The following INPP5F variants were observed in gnomAD, a reference collection of about 807,000 sequenced individuals.
INPP5F encodes the protein inositol polyphosphate-5-phosphatase F, also known as phosphatidylinositide 4-phosphatase SAC2.
In INPP5F, 97 loss-of-function variants were observed where a neutral mutation model predicts 137.2. The observed-to-expected ratio is 0.71, with a 90% CI of 0.60 to 0.84. The LOEUF (loss-of-function observed/expected upper bound fraction) is 0.84, where lower values mean the gene tolerates loss of function less well. Ranked by LOEUF, INPP5F falls within the 40% of genes least tolerant of loss-of-function variation. The probability of loss-of-function intolerance (pLI) is 0.00; values close to 1 mark genes in which losing one functional copy is unlikely to be tolerated. For synonymous variants in INPP5F, 504 were observed against 476.9 expected (o/e 1.06, Z -0.74); for missense variants, 1,271 against 1,371.9 (o/e 0.93, Z 1.16).
In INPP5F at chr10:119,797,658, T is replaced by C; in HGVS notation, c.1048+18T>C. ...GGACAGAAGTAAGCAGGTCAATTAT[T>C]GGGTTTGCAAATGATGATTTCAGAG... On this transcript the variant is annotated intron_variant, in intron 8 of 19. Coordinates refer to ENST00000650623, the MANE Select transcript of INPP5F (RefSeq NM_014937.4). The C allele has an allele frequency of 3.2e-6, 5 of 1,570,842 alleles. No homozygotes were observed. Among genetic ancestry groups the C allele is most frequent in the Non-Finnish European group, 4.3e-6 (5 of 1,157,108 alleles).
intron 1 of INPP5F, among the ~76,000 whole-genome samples, chr10:119,729,788 T>C (rs1171062800): frequency 6.7e-6 from 1 of 150,362 alleles, no homozygotes; most frequent in African/African-American, 2.5e-5. Context: ...TCTCACTATA[T>C]GGCTCAGGCT....
chr10:119,811,048 C>T (rs547200988), intron 14 of INPP5F, among the ~76,000 whole-genome samples: 2 of 152,186 alleles, frequency 1.3e-5, no homozygotes, highest in Admixed American at 6.5e-5. Context: ...AGTTGATATT[C>T]AAGGAAAAAA....
At chr10:119,758,761 A>G (rs1052384037) in intron 2 of INPP5F, among the ~76,000 whole-genome samples, 6 of 152,244 alleles carry the variant, frequency 3.9e-5, no homozygotes, top group Non-Finnish European at 8.8e-5. Context: ...AATCCTAGAC[A>G]AAAATTCACT....
chr10:119,741,269 A>G (rs1848367583), intron 1 of INPP5F, among the ~76,000 whole-genome samples: 1 of 152,078 alleles, frequency 6.6e-6, no homozygotes. Flanking sequence ...TTCATCCTCT[A>G]CAGATTTGTC....
At position 119,781,718 on chromosome 10, in the gene INPP5F, A is replaced by G. The variant is rs1849714955; in HGVS notation, c.262A>G (p.Lys88Glu). The change falls in exon 3 of 20, where the codon AAA (lysine) becomes GAA (glutamate). Residue 88 changes from lysine (K) to glutamate (E), a missense_variant. Coordinates refer to ENST00000650623, the MANE Select transcript of INPP5F (RefSeq NM_014937.4). The stretch of plus-strand genomic sequence containing the variant: ...AGACCATGAGGTCTGTAAAGTTACC[A>G]AAATTGCTGTGCTCTCACTTTCTGA... ...PGDHEVCKVT[K>E]IAVLSLSEME... is the part of the protein sequence containing the mutation. The G allele has an allele frequency of 6.2e-7, 1 of 1,612,392 alleles. No homozygotes were observed. Among genetic ancestry groups the G allele is most frequent in the Non-Finnish European group, 8.5e-7 (1 of 1,178,858 alleles).
intron 15 of INPP5F, chr10:119,819,461 A>G (rs1851458572): frequency 6.3e-7 from 1 of 1,584,234 alleles, no homozygotes; most frequent in East Asian, 2.3e-5. Context: ...TGTAATTAGT[A>G]GTAGAATTTA....
chr10:119,749,310 C>T (rs1848627172), intron 1 of INPP5F, among the ~76,000 whole-genome samples: 1 of 152,248 alleles, frequency 6.6e-6, no homozygotes, highest in African/African-American at 2.4e-5. Flanking sequence ...GCCCTGCTGG[C>T]TCCATGGAGG....
At chr10:119,803,882 G>C (rs965311381) in intron 9 of INPP5F, among the ~76,000 whole-genome samples, 5 of 151,972 alleles carry the variant, frequency 3.3e-5, no homozygotes, top group Non-Finnish European at 7.4e-5. Flanking sequence ...TGTTACAAAG[G>C]ACCTTGTTTT....
intron 1 of INPP5F, among the ~76,000 whole-genome samples, chr10:119,733,633 C>T (rs1486091455): frequency 6.6e-6 from 1 of 152,006 alleles, no homozygotes; most frequent in Non-Finnish European, 1.5e-5. Context: ...TTTGTAGAAT[C>T]ACTGGTTCCT....
intron 15 of INPP5F, chr10:119,815,366 C>G (rs1350305240): frequency 6.8e-6 from 1 of 146,012 alleles, no homozygotes; most frequent in South Asian, 2.3e-4. Context: ...GCCAGAGCCT[C>G]CACTGCCATC....
At chr10:119,796,651 T>C in intron 6 of INPP5F, 64 bp from the exon 7 acceptor site, 1 of 1,195,984 alleles carries the variant, frequency 8.4e-7, no homozygotes, top group South Asian at 1.2e-5. Flanking sequence ...GACTACTGTT[T>C]GGGTTTAAGA....
In INPP5F at chr10:119,827,043, G is replaced by T; in HGVS notation, c.2662G>T (p.Val888Phe). 1 of 1,614,070 alleles carries T rather than the reference G, an allele frequency of 6.2e-7. No homozygotes were observed. The highest frequency in any genetic ancestry group is 2.2e-5 in the East Asian group (1 of 44,874). Residue 888 changes from valine to phenylalanine, a missense_variant, in exon 20 of 20, where the codon GTT becomes TTT. Physicochemically the swap from Val to Phe is conservative, Grantham distance 50 (BLOSUM62 -1). Coordinates refer to ENST00000650623, the MANE Select transcript of INPP5F (RefSeq NM_014937.4). ...SLESVGPIDY[V>F]LPSCGIIASA... ...AGAGAGTGTAGGGCCAATAGATTAC[G>T]TTCTTCCTAGTTGTGGTATTATTGC...
chr10:119,788,983 C>T (rs196208), intron 3 of INPP5F, among the ~76,000 whole-genome samples: 152,269 of 152,306 alleles, frequency 1, 76,116 homozygotes, highest in Non-Finnish European at 1. Context: ...CCCAGCACTT[C>T]GGGAGGCCGA....
At chr10:119,788,883 T>C (rs531495853) in intron 3 of INPP5F, among the ~76,000 whole-genome samples, 1 of 152,260 alleles carries the variant, frequency 6.6e-6, no homozygotes, top group African/African-American at 2.4e-5. Context: ...TAGCGGACCT[T>C]TGATAGATTC....
chr10:119,788,521 G>A (rs962460075), intron 3 of INPP5F, among the ~76,000 whole-genome samples: 16 of 152,112 alleles, frequency 1.1e-4, no homozygotes, highest in African/African-American at 3.6e-4. Flanking sequence ...CTTTCATTCC[G>A]AGAGAGTTAG....
intron 6 of INPP5F, 50 bp downstream of exon 6, chr10:119,792,263 T>G (rs750793944): frequency 3.7e-6 from 5 of 1,341,158 alleles, no homozygotes; most frequent in South Asian, 2.4e-5. Flanking sequence ...TTGGTCTGTT[T>G]GTTTCTAAAA....
intron 1 of INPP5F, among the ~76,000 whole-genome samples, chr10:119,728,854 T>A (rs1383158067): frequency 6.6e-6 from 1 of 152,232 alleles, no homozygotes; most frequent in African/African-American, 2.4e-5. Context: ...AGGCATTTTC[T>A]ACACTTAGTG....
intron 1 of INPP5F, among the ~76,000 whole-genome samples, chr10:119,741,639 G>A (rs1271980283): frequency 2.0e-5 from 3 of 151,834 alleles, no homozygotes; most frequent in Non-Finnish European, 2.9e-5. Flanking sequence ...GGTTCAAGCC[G>A]TTCTCTTGCC....
rs1488718688 is a variant in INPP5F, at chr10:119,775,266, C to CT, written c.179-6362dup. Among the ~76,000 whole-genome samples, 7 of 151,736 alleles carry CT rather than the reference C, an allele frequency of 4.6e-5. No homozygotes were observed. In the East Asian group the frequency reaches 1.4e-3, roughly 29 times the overall value. ...GGATTATCAAATATAATTCTTTTTT[C>CT]TTTTTTTGAGGCAGCATCTCTCATT... On this transcript the variant is annotated intron_variant, in intron 2 of 19. Transcript: ENST00000650623.
Sources: allele counts gnomAD v4.1 joint callset (sites outside exome capture counted in the v4.1 genomes callset), GRCh38; gene constraint gnomAD v4.1.1; transcripts MANE v1.5; gene names NCBI Gene and HGNC (gene_info 2026-07-23, HGNC 2026-07-21).